RASA3: variants seen among roughly 807,000 people sequenced by gnomAD.
RASA3 encodes ras GTPase-activating protein 3.
Under a neutral mutation model 110.0 loss-of-function variants are expected in RASA3, and 73 were observed. That is an observed-to-expected ratio of 0.66 (90% CI 0.55 to 0.81). RASA3 has a LOEUF of 0.81. RASA3 is among the 30% of genes least tolerant of loss of function. The pLI is 0.00. For synonymous variants in RASA3, 500 were observed against 451.4 expected (o/e 1.11, Z -1.37); for missense variants, 976 against 1,113.2 (o/e 0.88, Z 1.75).
rs188594700 is a variant in RASA3 at position 114,020,593 on chromosome 13, G to A, written c.785+811C>T. On this transcript the variant is annotated intron_variant, in intron 9 of 23. Transcript: ENST00000334062. ...CCACGCCTGGGAGTGCACGCTTCCC[G>A]TGACTCCGGGCCCTCTCAGGAGCTG... Among the ~76,000 whole-genome samples, 71 of 152,330 alleles carry A rather than the reference G, an allele frequency of 4.7e-4. No individual in the cohort carries two copies. In the East Asian group the frequency reaches 9.3e-3, roughly 20 times the overall value.
intron 4 of RASA3, among the ~76,000 whole-genome samples, chr13:114,032,956 A>C (rs1490349234): frequency 2.2e-5 from 2 of 89,108 alleles, no homozygotes; most frequent in Non-Finnish European, 4.3e-5. Flanking sequence ...CGGCACCCCC[A>C]CACTGACACC....
At chr13:114,106,768 C>G (rs2080140162) in intron 1 of RASA3, among the ~76,000 whole-genome samples, 1 of 152,204 alleles carries the variant, frequency 6.6e-6, no homozygotes, top group Non-Finnish European at 1.5e-5. Context: ...CATTACAAAA[C>G]CACCTGTCCA....
In RASA3 at chr13:113,981,715, A is replaced by T; in HGVS notation, c.2389T>A (p.Tyr797Asn). 6.2e-7 allele frequency: 1 copy of T among 1,613,838 alleles called. No individual in the cohort carries two copies. The highest frequency in any genetic ancestry group is 8.5e-7 in the Non-Finnish European group (1 of 1,179,938). Residue 797 changes from tyrosine (Y) to asparagine (N), a missense_variant, in exon 23 of 24, where the codon TAT becomes AAT. Physicochemically the swap from Tyr to Asn is moderately radical, Grantham distance 143. This residue lies in a region of RASA3 where 132 missense variants were observed against 152.8 expected (regional missense o/e 0.86). Transcript: ENST00000334062. ...GTCTTCTTGAACTTGTCCCTCTTAT[A>T]CTGGGCGTGCTCCTGCTCCAAAGCC... is the stretch of plus-strand genomic sequence containing the variant. ...VGALEQEHAQ[Y>N]KRDKFKKTKY...
chr13:114,118,671 G>C (rs1384166634), intron 1 of RASA3, among the ~76,000 whole-genome samples: 2 of 152,232 alleles, frequency 1.3e-5, no homozygotes, highest in Non-Finnish European at 2.9e-5. Context: ...ACTAAAATCT[G>C]GACTAGCGTC....
chr13:114,009,107 G>A (rs572892273), intron 17 of RASA3, among the ~76,000 whole-genome samples: 263 of 152,356 alleles, frequency 1.7e-3, no homozygotes, highest in African/African-American at 6.3e-3. Context: ...GAGGTGGGAC[G>A]CGCCCTCATT....
At chr13:114,038,837 G>C (rs539796113) in intron 4 of RASA3, among the ~76,000 whole-genome samples, 29 of 152,298 alleles carry the variant, frequency 1.9e-4, no homozygotes, top group Non-Finnish European at 4.0e-4. Context: ...GCCCAAATTT[G>C]CCCTGAACTT....
intron 1 of RASA3, among the ~76,000 whole-genome samples, chr13:114,081,735 A>T (rs2079791561): frequency 6.6e-6 from 1 of 152,192 alleles, no homozygotes; most frequent in Admixed American, 6.5e-5. Context: ...CTGGCGGCTG[A>T]AAACACCCAG....
At chr13:114,128,006 G>C (rs879805158) in intron 1 of RASA3, among the ~76,000 whole-genome samples, 2 of 152,212 alleles carry the variant, frequency 1.3e-5, no homozygotes, top group South Asian at 4.1e-4. Context: ...CCGGGCCCCA[G>C]GCTGAACCTG....
intron 9 of RASA3, 94 bp downstream of exon 9, chr13:114,021,310 G>C: frequency 9.1e-7 from 1 of 1,101,438 alleles, no homozygotes; most frequent in Non-Finnish European, 1.4e-6. Context: ...CCGAGGACCA[G>C]CACATGTGGC....
intron 4 of RASA3, among the ~76,000 whole-genome samples, chr13:114,039,182 C>T (rs995072440): frequency 1.3e-5 from 2 of 152,174 alleles, no homozygotes; most frequent in African/African-American, 4.8e-5. Context: ...ACCCAGGAAG[C>T]CCTCCCACAT....
chr13:114,107,874 C>G (rs1047655772), intron 1 of RASA3: 1 of 152,200 alleles, frequency 6.6e-6, no homozygotes, highest in African/African-American at 2.4e-5. Flanking sequence ...CAGAGGCTGA[C>G]GCGGATCAGC....
intron 1 of RASA3, among the ~76,000 whole-genome samples, chr13:114,116,058 A>C (rs1297059983): frequency 6.6e-6 from 1 of 152,218 alleles, no homozygotes; most frequent in Non-Finnish European, 1.5e-5. Context: ...TCACACAGCC[A>C]GAGCCTGGCA....
intron 16 of RASA3, among the ~76,000 whole-genome samples, chr13:114,010,494 C>G (rs1280973782): frequency 6.6e-6 from 1 of 151,418 alleles, no homozygotes; most frequent in Admixed American, 6.6e-5. Flanking sequence ...GCCTGAGGGA[C>G]TCCTGACCTG....
chr13:114,072,126 C>T (rs1413251889), intron 2 of RASA3, among the ~76,000 whole-genome samples: 1 of 152,146 alleles, frequency 6.6e-6, no homozygotes, highest in Non-Finnish European at 1.5e-5. Flanking sequence ...CCCGAGGCCG[C>T]AGCACTGAGG....
chr13:114,081,985 T>G (rs566494624), intron 1 of RASA3, among the ~76,000 whole-genome samples: 7 of 152,280 alleles, frequency 4.6e-5, no homozygotes, highest in East Asian at 3.9e-4. Flanking sequence ...CAGGAGAGCT[T>G]CTCACAGGAC....
rs1281058685 is a variant in RASA3, at chr13:114,069,412, G to A, written c.173+4308C>T. On this transcript the variant is annotated intron_variant, in intron 2 of 23. Coordinates refer to ENST00000334062, the MANE Select transcript of RASA3 (RefSeq NM_007368.4). ...GACCTTAAAGGTGACACTGACCTTG[G>A]AGGAAGCACACGGGGGGCTGGGAGA... 1.0e-4 allele frequency among the ~76,000 whole-genome samples: 14 copies of A among 138,660 alleles called. 1 individual carries two copies. Among genetic ancestry groups the A allele is most frequent in the Non-Finnish European group, 3.1e-5 (2 of 64,366 alleles). 91.0% of individuals were successfully genotyped at this position (138,660 alleles called of 152,430 possible). A position where few individuals can be genotyped will look rare whatever the true frequency, so the allele number is the denominator to read the frequency against.
chr13:114,034,034 C>T (rs1218306368), intron 4 of RASA3, among the ~76,000 whole-genome samples: 1 of 152,210 alleles, frequency 6.6e-6, no homozygotes, highest in African/African-American at 2.4e-5. Context: ...GGCAGCGGGC[C>T]TGCTATCCGT....
chr13:114,052,408 C>T (rs1160485903), intron 2 of RASA3, among the ~76,000 whole-genome samples: 3 of 152,200 alleles, frequency 2.0e-5, no homozygotes, highest in Non-Finnish European at 2.9e-5. Context: ...GAAGCTGAGA[C>T]CTCCACAGAG....
At chr13:113,991,935 C>A (rs576434077) in intron 22 of RASA3, among the ~76,000 whole-genome samples, 2 of 151,776 alleles carry the variant, frequency 1.3e-5, no homozygotes, top group Admixed American at 6.6e-5. Flanking sequence ...CATGTCATGT[C>A]CATACATTCA....
Sources: gnomAD v4.1 joint callset for allele counts (sites outside exome capture counted in the v4.1 genomes callset) on GRCh38, gnomAD v4.1.1 for gene constraint, gnomAD v4.1.1 regional missense constraint, MANE v1.5 for transcripts, NCBI Gene and HGNC (gene_info 2026-07-23, HGNC 2026-07-21) for gene names.